Variants in ANAPC2 observed in about 807,000 individuals in gnomAD.
ANAPC2 encodes anaphase-promoting complex subunit 2.
Under a neutral mutation model 84.3 loss-of-function variants are expected in ANAPC2, and 29 were observed. That is an observed-to-expected ratio of 0.34 (90% confidence interval 0.26 to 0.47). The LOEUF (loss-of-function observed/expected upper bound fraction) is 0.47, where lower values mean the gene tolerates loss of function less well. ANAPC2 is among the 20% of genes least tolerant of loss of function. The pLI is 1.00. For missense variants in ANAPC2, 857 were observed against 1,131.7 expected, an observed-to-expected ratio of 0.76 and a Z score of 3.48; for synonymous variants, 571 against 479.4, an observed-to-expected ratio of 1.19 and a Z score of -2.50.
At chr9:137,187,103 G>A (rs959191573) in intron 2 of ANAPC2, 9 of 225,192 alleles carry the variant, frequency 4.0e-5, no homozygotes, top group Middle Eastern at 1.7e-3. Context: ...AGAAGCAGCA[G>A]CAAGCTTCTG....
At chr9:137,185,474 G>A (rs187251067) in intron 3 of ANAPC2, among the ~76,000 whole-genome samples, 6 of 152,238 alleles carry the variant, frequency 3.9e-5, no homozygotes, top group African/African-American at 1.4e-4. Flanking sequence ...AAACCTCTAG[G>A]TGGCAATTCC....
Position 137,183,007 on chromosome 9 carries a change from C to T in ANAPC2, c.1286+118G>A, listed in dbSNP as rs907654705. The T allele has an allele frequency of 4.7e-5, 37 of 794,212 alleles. No homozygotes were observed. In the Admixed American group the frequency reaches 5.2e-4, roughly 11 times the overall value. 49.2% of individuals were successfully genotyped at this position (794,212 alleles called of 1,614,324 possible). On this transcript the variant is annotated intron_variant, in intron 6 of 12. Transcript: ENST00000323927. ...CCTGATCCCGTGCACTCAGCCCAGC[C>T]GGGGGAGACCTTGTGTCCTGACGGC...
At chr9:137,184,357 A>G (rs1834410795) in intron 4 of ANAPC2, among the ~76,000 whole-genome samples, 1 of 149,702 alleles carries the variant, frequency 6.7e-6, no homozygotes, top group Non-Finnish European at 1.5e-5. Context: ...GGAGCCCCAG[A>G]TGCAGACAAA....
At position 137,184,998 on chromosome 9, in the gene ANAPC2, C is replaced by T. The variant is rs1834430691; in HGVS notation, c.963G>A (p.Leu321=). ...RPASPEAGNT[L]RRWRCHVQRF... is the part of the protein sequence containing the mutation. Reference sequence around the variant, plus strand: ...TTTGCACGTGGCAGCGCCAGCGGCGCAGGGTGTTGCCGGCCTCGGGAGATG... The same window carrying T: ...TTTGCACGTGGCAGCGCCAGCGGCGTAGGGTGTTGCCGGCCTCGGGAGATG... Residue 321 remains leucine (L), a synonymous_variant, in exon 4 of 13, where the codon CTG becomes CTA. Coordinates refer to ENST00000323927, the MANE Select transcript of ANAPC2 (RefSeq NM_013366.4). 1 of 1,609,252 alleles carries T rather than the reference C, an allele frequency of 6.2e-7. No homozygotes were observed. The highest frequency in any genetic ancestry group is 1.7e-5 in the Admixed American group (1 of 59,264).
In ANAPC2 at chr9:137,183,666, C is replaced by G; in HGVS notation, c.1168+6G>C. ...GAGTGCTGGGTGGCCGGGCAGCACA[C>G]AGCACCTGGATGCAGGAGCCGAGTC... On this transcript the variant is annotated splice_donor_region_variant and intron_variant, in intron 5 of 12. Coordinates refer to ENST00000323927, the MANE Select transcript of ANAPC2 (RefSeq NM_013366.4). 3 of 1,609,740 alleles carry G rather than the reference C, an allele frequency of 1.9e-6. No individual in the cohort carries two copies. The highest frequency in any genetic ancestry group is 2.5e-6 in the Non-Finnish European group (3 of 1,178,384).
Position 137,188,390 on chromosome 9 carries a change from G to A in ANAPC2, c.117+26C>T. 3.8e-6 allele frequency: 6 copies of A among 1,593,194 alleles called. No individual in the cohort carries two copies. In the South Asian group the frequency reaches 6.7e-5, roughly 18 times the overall value. ...TACGGTCCCGGAAACTCCGCGCGGG[G>A]CCGCCCCTCTCTTCCCAGGCCTCAC... On this transcript the variant is annotated intron_variant, in intron 1 of 12. Transcript: ENST00000323927.
Position 137,174,870 on chromosome 9 carries a change from G to A in ANAPC2, c.*72C>T. The A allele has an allele frequency of 6.8e-7, 1 of 1,460,314 alleles. No homozygotes were observed. The highest frequency in any genetic ancestry group is 1.4e-5 in the South Asian group (1 of 73,254). The allele number at this position is 1,460,314 out of a possible 1,614,324, so 90.5% of individuals were successfully genotyped here. On this transcript the variant is annotated 3_prime_UTR_variant, in exon 13 of 13. Transcript: ENST00000323927. This position sits in a 1 kb window ranked among gnomAD's most constrained non-coding sequence, Gnocchi z 6.1. Reference sequence around the variant, plus strand: ...GTGCATTCTGGGACACGGGCGGGCGGGGGCTGGCACGGGAGGACGAGAGCA... The same window carrying A: ...GTGCATTCTGGGACACGGGCGGGCGAGGGCTGGCACGGGAGGACGAGAGCA...
chr9:137,185,280 G>A (rs183962536), intron 3 of ANAPC2, among the ~76,000 whole-genome samples, 193 bp from the exon 4 acceptor site: 2 of 152,182 alleles, frequency 1.3e-5, no homozygotes, highest in Admixed American at 1.3e-4. Flanking sequence ...CGACGTCCCG[G>A]CCCCCCTGCA....
chr9:137,180,949 G>C lies in ANAPC2; in HGVS notation c.1469-20C>G. The C allele has an allele frequency of 3.1e-6, 5 of 1,609,956 alleles. No individual in the cohort carries two copies. Among genetic ancestry groups the C allele is most frequent in the Non-Finnish European group, 4.2e-6 (5 of 1,178,140 alleles). On this transcript the variant is annotated intron_variant, in intron 7 of 12. Coordinates refer to ENST00000323927, the MANE Select transcript of ANAPC2 (RefSeq NM_013366.4). ...ACTTCCCTGGCATGGTGGGGGCAGG[G>C]GTGTCACCTGACAGGCACCTGGGCA...
At chr9:137,188,268 G>T in intron 1 of ANAPC2, 148 bp downstream of exon 1, 1 of 1,288,096 alleles carries the variant, frequency 7.8e-7, no homozygotes, top group Non-Finnish European at 1.1e-6. Context: ...GGAGCTGAAC[G>T]AAACGAAACG....
intron 2 of ANAPC2, chr9:137,186,717 G>A (rs1423167318): frequency 3.7e-5 from 10 of 269,136 alleles, no homozygotes; most frequent in Non-Finnish European, 1.4e-5. Flanking sequence ...TGCTACCCTG[G>A]CCGCAGAGGT....
Position 137,183,704 on chromosome 9 carries a change from T to G in ANAPC2, c.1136A>C (p.Lys379Thr), listed in dbSNP as rs1365077114. Residue 379 changes from lysine (K) to threonine (T), a missense_variant, in exon 5 of 13, where the codon AAG becomes ACG. Transcript: ENST00000323927. ...CAGGAGCCGAGTCTCCAGGGCAGCC[T>G]TGAGGGACACGAGCAGCTGCTGCCT... ...DQRQQLLVSL[K>T]AALETRLLHP... 2 of 1,612,738 alleles carry G rather than the reference T, an allele frequency of 1.2e-6. No individual in the cohort carries two copies. The highest frequency in any genetic ancestry group is 3.3e-5 in the Admixed American group (2 of 59,982).
Position 137,186,249 on chromosome 9 carries a change from C to T in ANAPC2, c.848G>A (p.Arg283His), listed in dbSNP as rs374836035. 9.1e-5 allele frequency: 146 copies of T among 1,612,486 alleles called. No homozygotes were observed. Among genetic ancestry groups the T allele is most frequent in the Middle Eastern group, 1.7e-4 (1 of 5,824 alleles). Reference protein sequence around the residue: ...MEDRCRGEYERSFLREFHKWI... With the variant: ...MEDRCRGEYEHSFLREFHKWI... Reference sequence around the variant, plus strand: ...CTTGTGGAACTCACGCAGGAAGGAGCGCTCGTACTCGCCCCGGCAACGGTC... The same window carrying T: ...CTTGTGGAACTCACGCAGGAAGGAGTGCTCGTACTCGCCCCGGCAACGGTC... The change falls in exon 3 of 13, where the codon CGC (arginine) becomes CAC (histidine). Residue 283 changes from arginine (R) to histidine (H), a missense_variant. Transcript: ENST00000323927.
rs191409602 is a variant in ANAPC2 at position 137,175,647 on chromosome 9, C to T, written c.2020+61G>A. 528 of 1,563,910 alleles carry T rather than the reference C, an allele frequency of 3.4e-4. 7 individuals carry two copies. In the African/African-American group the frequency reaches 5.8e-3, roughly 17 times the overall value. On this transcript the variant is annotated intron_variant, in intron 11 of 12. Coordinates refer to ENST00000323927, the MANE Select transcript of ANAPC2 (RefSeq NM_013366.4). ...AAACCACACCCTCACTGGGGAACAG[C>T]CCCTCACCCACAGCTGGGCCGTGTG...
chr9:137,182,450 A>G (rs1588761818), intron 6 of ANAPC2, among the ~76,000 whole-genome samples: 1 of 152,066 alleles, frequency 6.6e-6, no homozygotes, highest in East Asian at 1.9e-4. Flanking sequence ...CGGAGCTTGC[A>G]GTGAGCAGAG....
Position 137,187,962 on chromosome 9 carries a change from T to G in ANAPC2, c.259A>C (p.Ile87Leu), listed in dbSNP as rs1407375164. 2 of 1,613,712 alleles carry G rather than the reference T, an allele frequency of 1.2e-6. No homozygotes were observed. Among genetic ancestry groups the G allele is most frequent in the Non-Finnish European group, 1.7e-6 (2 of 1,180,020 alleles). ...ATGGCATTCCAGAACTCAGGGGAGA[T>G]GTTGGCCTGCAGATCGTTCTGCAGC... ...EVLQNDLQAN[I>L]SPEFWNAISQ... Residue 87 changes from isoleucine (I) to leucine (L), a missense_variant, in exon 2 of 13, where the codon ATC becomes CTC. By Grantham distance (5) the Ile-to-Leu change is conservative. Coordinates refer to ENST00000323927, the MANE Select transcript of ANAPC2 (RefSeq NM_013366.4).
chr9:137,184,667 GGGAGCCCAGACGCAGACACA>G (rs1834421274), intron 4 of ANAPC2, among the ~76,000 whole-genome samples: 1 of 144,564 alleles, frequency 6.9e-6, no homozygotes, highest in Non-Finnish European at 1.5e-5. Flanking sequence ...CGCAGACACA[GGGAGCCCAGACGCAGACACA>G]GAGCAGACAC....
intron 10 of ANAPC2, chr9:137,176,086 T>C (rs1393063455): frequency 2.3e-5 from 10 of 425,680 alleles, no homozygotes; most frequent in Non-Finnish European, 4.0e-5. Flanking sequence ...TGACCCCCAG[T>C]GCTTGGAAAT....
chr9:137,175,294 G>A lies in ANAPC2; in HGVS notation c.2199C>T (p.Asp733=), dbSNP rs764512353. 49 of 1,612,548 alleles carry A rather than the reference G, an allele frequency of 3.0e-5. 1 individual carries two copies. The South Asian group carries it at 4.2e-4, about 14-fold the overall frequency. ...DRDNMVLIDS[D]DESDSGMASQ... ...AGGCCATGCCGGAGTCGCTCTCGTC[G>A]TCACTGTCAATGAGCACCATGTTGT... Residue 733 remains aspartate (D), a synonymous_variant, in exon 12 of 13, where the codon GAC becomes GAT. Coordinates refer to ENST00000323927, the MANE Select transcript of ANAPC2 (RefSeq NM_013366.4).
Sources: gnomAD v4.1 joint callset for allele counts (sites outside exome capture counted in the v4.1 genomes callset) on GRCh38, gnomAD v4.1.1 for gene constraint, Gnocchi (gnomAD v3.1) non-coding constraint, MANE v1.5 for transcripts, NCBI Gene and HGNC (gene_info 2026-07-23, HGNC 2026-07-21) for gene names.